The following BBS9 variants were observed in gnomAD, a reference collection of about 807,000 sequenced individuals.
The protein encoded by BBS9 is Bardet-Biedl syndrome 9, also known as protein PTHB1.
BBS9 carries 89 observed loss-of-function variants against 117.7 expected under a neutral mutation model. The ratio of observed to expected loss-of-function variants is 0.76; its 90% CI spans 0.64 to 0.90. The LOEUF (loss-of-function observed/expected upper bound fraction) is 0.90. Among genes scored for constraint, BBS9 ranks in the 40% least tolerant of loss-of-function variants. The probability of loss-of-function intolerance (pLI) is 0.00; values close to 1 mark genes in which losing one functional copy is unlikely to be tolerated. For missense variants in BBS9, 982 were observed against 1,042.2 expected (o/e 0.94, Z 0.80); for synonymous variants, 379 against 370.9 (o/e 1.02, Z -0.25).
intron 19 of BBS9, among the ~76,000 whole-genome samples, chr7:33,401,045 C>A (rs1262848347): frequency 6.6e-6 from 1 of 152,136 alleles, no homozygotes; most frequent in African/African-American, 2.4e-5. Context: ...TTTTAACTTC[C>A]TTTTTATATG....
At chr7:33,258,721 G>A (rs1797484154) in intron 6 of BBS9, among the ~76,000 whole-genome samples, 1 of 152,142 alleles carries the variant, frequency 6.6e-6, no homozygotes, top group Admixed American at 6.5e-5. Context: ...CTGCCAAGTA[G>A]TGCTATGCTA....
chr7:33,140,271 G>A (rs183619892), intron 1 of BBS9, among the ~76,000 whole-genome samples: 2,166 of 152,210 alleles, frequency 0.014, 48 homozygotes, highest in African/African-American at 0.05. Context: ...TGATCTGCCT[G>A]CCTCGGCCTC....
At chr7:33,211,258 C>CT (rs1352315254) in intron 5 of BBS9, among the ~76,000 whole-genome samples, 1 of 151,734 alleles carries the variant, frequency 6.6e-6, no homozygotes, top group Non-Finnish European at 1.5e-5. Context: ...TCCTGTCTTC[C>CT]TTTTAATGAA....
chr7:33,230,635 C>T (rs1047464534), intron 5 of BBS9, among the ~76,000 whole-genome samples: 2 of 152,130 alleles, frequency 1.3e-5, no homozygotes, highest in African/African-American at 4.8e-5. Context: ...TTTGTGTTCC[C>T]GTGGGTTAAC....
At chr7:33,559,785 TC>T (rs989248727) in intron 21 of BBS9, among the ~76,000 whole-genome samples, 30 of 152,254 alleles carry the variant, frequency 2.0e-4, no homozygotes, top group African/African-American at 7.2e-4. Context: ...ATAATCTAGT[TC>T]CTGTGTCTCC....
At chr7:33,248,951 C>T (rs924153612) in intron 5 of BBS9, among the ~76,000 whole-genome samples, 1 of 152,058 alleles carries the variant, frequency 6.6e-6, no homozygotes, top group Non-Finnish European at 1.5e-5. Context: ...CCATAGGTCA[C>T]GTTTGCATTT....
intron 5 of BBS9, among the ~76,000 whole-genome samples, chr7:33,218,162 A>C (rs920826232): frequency 2.0e-5 from 3 of 152,212 alleles, no homozygotes; most frequent in African/African-American, 7.2e-5. Flanking sequence ...TTCCTTTTAC[A>C]AGTGTTTAAT....
chr7:33,484,809 A>G (rs912507378), intron 19 of BBS9, among the ~76,000 whole-genome samples: 2 of 152,202 alleles, frequency 1.3e-5, no homozygotes, highest in Non-Finnish European at 2.9e-5. Context: ...ACCCAAAGGA[A>G]TATAACTCCT....
intron 20 of BBS9, among the ~76,000 whole-genome samples, chr7:33,514,235 G>A (rs1847397509): frequency 6.6e-6 from 1 of 152,172 alleles, no homozygotes; most frequent in South Asian, 2.1e-4. Context: ...TGGTGAACTA[G>A]ACTATTCCCC....
chr7:33,605,038 T>G (rs1038367008), intron 22 of BBS9, 63 bp downstream of exon 22: 33 of 1,500,602 alleles, frequency 2.2e-5, no homozygotes, highest in Non-Finnish European at 3.1e-5. Context: ...ATCTGGTCAG[T>G]TTTTGTCATA....
At chr7:33,616,333 TTTG>T (rs1417929379) in intron 21 of BBS9, among the ~76,000 whole-genome samples, 2 of 150,876 alleles carry the variant, frequency 1.3e-5, no homozygotes, top group Admixed American at 1.3e-4. Context: ...TTAGGATTAT[TTTG>T]TTGTTATAAG....
chr7:33,565,800 T>C (rs62449374), intron 21 of BBS9, among the ~76,000 whole-genome samples: 1,177 of 42,714 alleles, frequency 0.028, 8 homozygotes, highest in Non-Finnish European at 0.039. Flanking sequence ...TATATATATA[T>C]ATATATATAT....
chr7:33,481,788 A>C (rs2128975872), intron 19 of BBS9, among the ~76,000 whole-genome samples: 1 of 152,306 alleles, frequency 6.6e-6, no homozygotes, highest in African/African-American at 2.4e-5. Flanking sequence ...GTGGAGAGGA[A>C]GAAATAAATA....
chr7:33,367,756 T>C lies in BBS9; in HGVS notation c.1694-11T>C. 6.2e-7 allele frequency: 1 copy of C among 1,613,248 alleles called. No homozygotes were observed. On this transcript the variant is annotated splice_polypyrimidine_tract_variant and intron_variant, in intron 16 of 22. Transcript: ENST00000242067. ...TGGTTACATAAGGTGATTTCTCTCT[T>C]TTCTTTGTAGGTTTTGCCAGTCAGT...
intron 21 of BBS9, among the ~76,000 whole-genome samples, chr7:33,546,966 G>A: frequency 6.6e-6 from 1 of 152,044 alleles, no homozygotes. Context: ...CCCAATTTGT[G>A]CCGCACATGC....
intron 21 of BBS9, 92 bp from the exon 22 acceptor site, chr7:33,604,773 T>C: frequency 1.2e-6 from 1 of 854,718 alleles, no homozygotes; most frequent in South Asian, 1.4e-5. Flanking sequence ...TTATTATCTT[T>C]ATGATCAGTG....
chr7:33,162,487 T>A (rs963509396), intron 4 of BBS9, among the ~76,000 whole-genome samples: 1 of 151,940 alleles, frequency 6.6e-6, no homozygotes, highest in Non-Finnish European at 1.5e-5. Context: ...TCCATTTGTT[T>A]GTGTCCTCTT....
chr7:33,408,609 A>T (rs1359028647), intron 19 of BBS9, among the ~76,000 whole-genome samples: 1 of 152,008 alleles, frequency 6.6e-6, no homozygotes, highest in Non-Finnish European at 1.5e-5. Flanking sequence ...TATGTAGTTC[A>T]CTGTTGATGG....
chr7:33,450,367 T>C (rs1277830081), intron 19 of BBS9, among the ~76,000 whole-genome samples: 1 of 152,226 alleles, frequency 6.6e-6, no homozygotes, highest in Admixed American at 6.5e-5. Context: ...GATCTTGTTT[T>C]TGATTCTTTT....
Sources: allele counts gnomAD v4.1 joint callset (sites outside exome capture counted in the v4.1 genomes callset), GRCh38; gene constraint gnomAD v4.1.1; transcripts MANE v1.5; gene names NCBI Gene and HGNC (gene_info 2026-07-23, HGNC 2026-07-21).